The following RGL1 variants were observed in gnomAD, a reference collection of about 807,000 sequenced individuals.
RGL1 encodes ral guanine nucleotide dissociation stimulator like 1.
Under a neutral mutation model 95.2 loss-of-function variants are expected in RGL1, and 24 were observed. The observed-to-expected ratio is 0.25, with a 90% confidence interval of 0.18 to 0.35. The LOEUF is 0.35. Among genes scored for constraint, RGL1 ranks in the 10% least tolerant of loss-of-function variants. RGL1 has a pLI of 1.00. For synonymous variants in RGL1, 329 were observed against 344.9 expected, an observed-to-expected ratio of 0.95 and a Z score of 0.51; for missense variants, 715 against 936.3, an observed-to-expected ratio of 0.76 and a Z score of 3.08.
intron 1 of RGL1, among the ~76,000 whole-genome samples, chr1:183,720,264 G>T (rs180981294): frequency 2.0e-5 from 3 of 152,290 alleles, no homozygotes; most frequent in Admixed American, 2.0e-4. Context: ...AGAGTAAAAA[G>T]ATAGCTTGAA....
At chr1:183,744,337 A>C (rs1053237442) in intron 2 of RGL1, among the ~76,000 whole-genome samples, 6 of 152,116 alleles carry the variant, frequency 3.9e-5, no homozygotes, top group Admixed American at 3.9e-4. Flanking sequence ...TTAAAGAAAT[A>C]AACTCCACAG....
chr1:183,679,408 C>T (rs1653052415), intron 1 of RGL1, among the ~76,000 whole-genome samples: 1 of 150,242 alleles, frequency 6.7e-6, no homozygotes, highest in Non-Finnish European at 1.5e-5. Context: ...CCCGACAGGC[C>T]CCCGTGTGTG....
intron 2 of RGL1, among the ~76,000 whole-genome samples, chr1:183,844,380 AATTTT>A (rs1456068625): frequency 6.6e-6 from 1 of 152,196 alleles, no homozygotes; most frequent in African/African-American, 2.4e-5. Context: ...AATAAGCCAA[AATTTT>A]TCAAAGTATG....
chr1:183,700,635 T>C (rs1049006508), intron 1 of RGL1, among the ~76,000 whole-genome samples: 1 of 148,624 alleles, frequency 6.7e-6, no homozygotes. Flanking sequence ...AACCTCTGCC[T>C]CCCGGGTTCA....
chr1:183,818,891 A>T (rs1279159522), intron 2 of RGL1, among the ~76,000 whole-genome samples: 4 of 152,218 alleles, frequency 2.6e-5, no homozygotes, highest in African/African-American at 9.7e-5. Flanking sequence ...AAAAAAAAGA[A>T]AGTGATGCTT....
intron 1 of RGL1, among the ~76,000 whole-genome samples, chr1:183,666,013 T>TC (rs1652008937): frequency 6.7e-6 from 1 of 149,382 alleles, no homozygotes; most frequent in Non-Finnish European, 1.5e-5. Context: ...TTCTTTTTTT[T>TC]TTTTTTTTTG....
chr1:183,846,379 A>G (rs1664433540), intron 2 of RGL1, among the ~76,000 whole-genome samples: 1 of 150,416 alleles, frequency 6.6e-6, no homozygotes, highest in South Asian at 2.1e-4. Flanking sequence ...AACGTCACAC[A>G]TGGGGGCCTG....
At chr1:183,658,387 CG>C (rs947588359) in intron 1 of RGL1, among the ~76,000 whole-genome samples, 6 of 152,348 alleles carry the variant, frequency 3.9e-5, no homozygotes, top group African/African-American at 9.6e-5. Flanking sequence ...GCTTAAAAAA[CG>C]GCGCACCAGG....
In RGL1 at chr1:183,663,952, C is replaced by A. The variant is rs566968018; in HGVS notation, c.-33+27451C>A. Among the ~76,000 whole-genome samples the A allele has an allele frequency of 3.3e-5, 5 of 150,986 alleles. No homozygotes were observed. The South Asian group carries it at 1.0e-3, about 32-fold the overall frequency. ...ATTGGAAATCATCATTCTCAGTAAA[C>A]CATTGCAAGAACAAAAAACCAAGCA... On this transcript the variant is annotated intron_variant, in intron 1 of 18. Transcript: ENST00000304685.
At chr1:183,822,442 C>T (rs1189201575) in intron 2 of RGL1, among the ~76,000 whole-genome samples, 1 of 152,012 alleles carries the variant, frequency 6.6e-6, no homozygotes, top group Non-Finnish European at 1.5e-5. Context: ...GAACCAAAAT[C>T]TCCTTTGGAG....
chr1:183,805,113 T>G, upstream of RGL1: 1 of 631,440 alleles, frequency 1.6e-6, no homozygotes, highest in Non-Finnish European at 2.3e-6. Context: ...CTCGCCGCGC[T>G]CCCTTTGTGG....
At chr1:183,847,515 T>A in intron 2 of RGL1, 51 bp from the exon 3 acceptor site, 1 of 1,465,748 alleles carries the variant, frequency 6.8e-7, no homozygotes, top group South Asian at 1.2e-5. Context: ...GCTTCCAATT[T>A]TACTTTAGGG....
intron 2 of RGL1, among the ~76,000 whole-genome samples, chr1:183,748,752 C>T (rs2102276122): frequency 6.6e-6 from 1 of 152,224 alleles, no homozygotes; most frequent in South Asian, 2.1e-4. Context: ...CTCCCGTGGG[C>T]ATTTAGTGCT....
At chr1:183,773,371 T>C (rs919516746) in intron 2 of RGL1, among the ~76,000 whole-genome samples, 21 of 152,212 alleles carry the variant, frequency 1.4e-4, no homozygotes, top group Admixed American at 1.2e-3. Context: ...ACCACTGCAA[T>C]GTTGAGATGT....
At chr1:183,658,960 C>T (rs7541678) in intron 1 of RGL1, among the ~76,000 whole-genome samples, 67,775 of 151,266 alleles carry the variant, frequency 0.45, 16,370 homozygotes, top group East Asian at 0.75. Context: ...CTGGAGTGGA[C>T]CTCTAGCAAA....
intron 1 of RGL1, among the ~76,000 whole-genome samples, chr1:183,715,368 G>A (rs1256351979): frequency 6.6e-6 from 1 of 151,844 alleles, no homozygotes; most frequent in African/African-American, 2.4e-5. Flanking sequence ...CTCATTGTTG[G>A]TGAACTGATT....
intron 10 of RGL1, among the ~76,000 whole-genome samples, chr1:183,899,371 G>T (rs1440818539): frequency 6.6e-6 from 1 of 152,220 alleles, no homozygotes; most frequent in East Asian, 1.9e-4. Flanking sequence ...GTCTACGACA[G>T]TGTTTTCTTG....
At chr1:183,905,999 A>G (rs1347388623) in intron 13 of RGL1, among the ~76,000 whole-genome samples, 2 of 152,208 alleles carry the variant, frequency 1.3e-5, no homozygotes, top group Non-Finnish European at 2.9e-5. Flanking sequence ...CAAAGCCTAA[A>G]ATACTATGTG....
intron 1 of RGL1, among the ~76,000 whole-genome samples, chr1:183,668,807 C>G (rs1471196012): frequency 6.6e-6 from 1 of 151,972 alleles, no homozygotes; most frequent in East Asian, 1.9e-4. Flanking sequence ...GCTCTTTTCT[C>G]TTTTTCCTCT....
Sources: gnomAD v4.1 joint callset for allele counts (sites outside exome capture counted in the v4.1 genomes callset) on GRCh38, gnomAD v4.1.1 for gene constraint, MANE v1.5 for transcripts, NCBI Gene and HGNC (gene_info 2026-07-23, HGNC 2026-07-21) for gene names.